The following ADAMTSL1 variants were observed in gnomAD, a reference collection of about 807,000 sequenced individuals.
ADAMTSL1 encodes ADAMTS like 1.
Under a neutral mutation model 201.8 loss-of-function variants are expected in ADAMTSL1, and 126 were observed. The observed-to-expected ratio is 0.62, with a 90% confidence interval of 0.54 to 0.72. ADAMTSL1 has a LOEUF of 0.72. Ranked by LOEUF, ADAMTSL1 falls within the 30% of genes least tolerant of loss-of-function variation. ADAMTSL1 has a pLI of 0.00. For synonymous variants in ADAMTSL1, 1,121 were observed against 903.4 expected, an observed-to-expected ratio of 1.24 and a Z score of -4.32; for missense variants, 2,679 against 2,277.8, an observed-to-expected ratio of 1.18 and a Z score of -3.59.
intron 3 of ADAMTSL1, among the ~76,000 whole-genome samples, chr9:18,567,509 G>T (rs1043289388): frequency 6.6e-6 from 1 of 152,130 alleles, no homozygotes; most frequent in Non-Finnish European, 1.5e-5. Context: ...TTGACATTGG[G>T]TTGGGGAATG....
At chr9:18,428,664 A>G (rs914863710) in intron 2 of ADAMTSL1, among the ~76,000 whole-genome samples, 6 of 152,222 alleles carry the variant, frequency 3.9e-5, no homozygotes, top group African/African-American at 1.4e-4. Context: ...AAACAGTAGC[A>G]TGTAAATAGA....
At chr9:18,357,300 A>G (rs1191146720) in intron 2 of ADAMTSL1, among the ~76,000 whole-genome samples, 1 of 152,150 alleles carries the variant, frequency 6.6e-6, no homozygotes, top group Admixed American at 6.5e-5. Context: ...AGAAAACTGA[A>G]CATTTTGATT....
intron 3 of ADAMTSL1, among the ~76,000 whole-genome samples, chr9:18,554,495 C>T (rs570960891): frequency 2.6e-5 from 4 of 151,700 alleles, no homozygotes; most frequent in Non-Finnish European, 5.9e-5. Context: ...TGACCCAATG[C>T]GAATCCAAGA....
At chr9:18,490,757 C>T (rs763752138) in intron 1 of ADAMTSL1, among the ~76,000 whole-genome samples, 1 of 152,120 alleles carries the variant, frequency 6.6e-6, no homozygotes, top group Non-Finnish European at 1.5e-5. Flanking sequence ...TATTCCGCAG[C>T]AAGATGTGAG....
At chr9:18,637,187 G>C (rs1827158793) in intron 6 of ADAMTSL1, among the ~76,000 whole-genome samples, 1 of 152,102 alleles carries the variant, frequency 6.6e-6, no homozygotes, top group Non-Finnish European at 1.5e-5. Flanking sequence ...ATGGATTCAA[G>C]TTTGTTTCTA....
chr9:18,706,579 G>A lies in ADAMTSL1; in HGVS notation c.1575-168G>A, dbSNP rs1387161655. The stretch of plus-strand genomic sequence containing the variant: ...GCAACCCAGAAACAGTGGCAAAATC[G>A]CTTATGAACTAAACTGAAGCGCCAT... On this transcript the variant is annotated intron_variant, in intron 13 of 28. Transcript: ENST00000380548. The A allele has an allele frequency of 2.4e-5, 15 of 637,428 alleles. 1 individual carries two copies. The South Asian group carries it at 2.5e-4, about 11-fold the overall frequency. The allele number at this position is 637,428 out of a possible 1,614,324, so 39.5% of individuals were successfully genotyped here.
intron 9 of ADAMTSL1, among the ~76,000 whole-genome samples, chr9:18,670,294 G>A (rs904613128): frequency 6.6e-6 from 1 of 152,218 alleles, no homozygotes; most frequent in Non-Finnish European, 1.5e-5. Flanking sequence ...GTATCTGAAA[G>A]ACACATGAGA....
At chr9:18,689,554 A>G (rs1054408317) in intron 13 of ADAMTSL1, among the ~76,000 whole-genome samples, 1 of 152,216 alleles carries the variant, frequency 6.6e-6, no homozygotes, top group African/African-American at 2.4e-5. Flanking sequence ...AAAAAAAGGT[A>G]TAGTCTGGAT....
chr9:18,053,768 A>C (rs923141438), intron 1 of ADAMTSL1, among the ~76,000 whole-genome samples: 1 of 152,222 alleles, frequency 6.6e-6, no homozygotes. Flanking sequence ...AGCACTCTTG[A>C]TGTACCAGGC....
At chr9:18,596,824 T>C (rs1302964296) in intron 4 of ADAMTSL1, among the ~76,000 whole-genome samples, 1 of 152,124 alleles carries the variant, frequency 6.6e-6, no homozygotes, top group African/African-American at 2.4e-5. Context: ...ACAGAAGAAG[T>C]GAAACACTGT....
At chr9:18,763,221 C>A (rs1165017370) in intron 16 of ADAMTSL1, among the ~76,000 whole-genome samples, 2 of 152,132 alleles carry the variant, frequency 1.3e-5, no homozygotes, top group Non-Finnish European at 2.9e-5. Context: ...GAGGTGATAT[C>A]TCATTGTAGT....
intron 2 of ADAMTSL1, among the ~76,000 whole-genome samples, chr9:18,371,526 A>T (rs888213229): frequency 6.6e-6 from 1 of 152,216 alleles, no homozygotes; most frequent in Non-Finnish European, 1.5e-5. Context: ...CTTTATAAAT[A>T]TATGTTTGCT....
At chr9:17,946,630 A>G (rs1009495561) in intron 1 of ADAMTSL1, among the ~76,000 whole-genome samples, 1 of 152,138 alleles carries the variant, frequency 6.6e-6, no homozygotes, top group African/African-American at 2.4e-5. Context: ...TAGGAATTCC[A>G]TAAAAAGATT....
At chr9:18,391,829 T>TC (rs1372676109) in intron 2 of ADAMTSL1, among the ~76,000 whole-genome samples, 1 of 143,136 alleles carries the variant, frequency 7.0e-6, no homozygotes, top group Non-Finnish European at 1.5e-5. Context: ...TCTTTCTTTT[T>TC]TTTTTTTTTT....
chr9:18,032,135 G>A (rs1252964356), intron 1 of ADAMTSL1, among the ~76,000 whole-genome samples: 2 of 152,154 alleles, frequency 1.3e-5, no homozygotes, highest in Admixed American at 1.3e-4. Flanking sequence ...GTTTCCTTGG[G>A]CAGAAGCTGT....
At chr9:17,926,353 C>T (rs1403274283) in intron 1 of ADAMTSL1, among the ~76,000 whole-genome samples, 2 of 152,192 alleles carry the variant, frequency 1.3e-5, no homozygotes, top group Middle Eastern at 3.4e-3. Context: ...CAAATAACCC[C>T]CAAAACACGA....
At chr9:18,114,436 G>A (rs1163450655) in intron 1 of ADAMTSL1, among the ~76,000 whole-genome samples, 1 of 152,134 alleles carries the variant, frequency 6.6e-6, no homozygotes, top group African/African-American at 2.4e-5. Context: ...CTGTAGGTAT[G>A]TATTCTGATA....
chr9:17,973,368 C>T (rs1316858706), intron 1 of ADAMTSL1, among the ~76,000 whole-genome samples: 2 of 115,610 alleles, frequency 1.7e-5, no homozygotes, highest in Non-Finnish European at 2.0e-5. Flanking sequence ...GATCCAGTTT[C>T]AGCTTTCTAC....
chr9:18,750,977 G>C (rs998117001), intron 15 of ADAMTSL1, among the ~76,000 whole-genome samples: 1 of 152,166 alleles, frequency 6.6e-6, no homozygotes, highest in Non-Finnish European at 1.5e-5. Flanking sequence ...GGCAAAGAGA[G>C]AGCATCAAAT....
Sources: gnomAD v4.1 joint callset for allele counts (sites outside exome capture counted in the v4.1 genomes callset) on GRCh38, gnomAD v4.1.1 for gene constraint, MANE v1.5 for transcripts, NCBI Gene and HGNC (gene_info 2026-07-23, HGNC 2026-07-21) for gene names.